The following MTBP variants were observed in gnomAD, a reference collection of about 807,000 sequenced individuals.
The protein encoded by MTBP is mdm2-binding protein.
In MTBP, 101 loss-of-function variants were observed where a neutral mutation model predicts 117.0. That is an observed-to-expected ratio of 0.86 (90% CI 0.73 to 1.02). MTBP has a LOEUF of 1.02. Among genes scored for constraint, MTBP ranks in the 50% least tolerant of loss-of-function variants. The pLI is 0.00. For missense variants in MTBP, 970 were observed against 1,030.9 expected, an observed-to-expected ratio of 0.94 and a Z score of 0.81; for synonymous variants, 350 against 351.5, an observed-to-expected ratio of 1.00 and a Z score of 0.05.
At chr8:120,453,288 A>G (rs1162889857) in intron 4 of MTBP, among the ~76,000 whole-genome samples, 3 of 152,052 alleles carry the variant, frequency 2.0e-5, no homozygotes, top group Admixed American at 1.3e-4. Flanking sequence ...CCGTCTCTAC[A>G]TTAGCCAGGC....
intron 20 of MTBP, among the ~76,000 whole-genome samples, chr8:120,519,278 C>T (rs1044386275): frequency 6.6e-6 from 1 of 151,342 alleles, no homozygotes; most frequent in Middle Eastern, 3.5e-3. Flanking sequence ...GCAAATACTA[C>T]ACCATTTTAT....
At chr8:120,504,140 T>C (rs1048727627) in intron 15 of MTBP, among the ~76,000 whole-genome samples, 4 of 152,048 alleles carry the variant, frequency 2.6e-5, no homozygotes, top group Non-Finnish European at 4.4e-5. Context: ...CAAAAAGAAA[T>C]GGAGGCTAAG....
At chr8:120,462,038 T>C (rs1813591122) in intron 9 of MTBP, among the ~76,000 whole-genome samples, 1 of 151,892 alleles carries the variant, frequency 6.6e-6, no homozygotes, top group Non-Finnish European at 1.5e-5. Flanking sequence ...CATTAAAGAG[T>C]AGTGGTTTTT....
At chr8:120,463,981 T>G (rs1417997701) in intron 10 of MTBP, among the ~76,000 whole-genome samples, 1 of 152,070 alleles carries the variant, frequency 6.6e-6, no homozygotes, top group African/African-American at 2.4e-5. Context: ...CATTTTGTTT[T>G]TAGGAGATAT....
intron 2 of MTBP, among the ~76,000 whole-genome samples, chr8:120,448,113 G>A (rs1018276214): frequency 6.6e-6 from 1 of 151,920 alleles, no homozygotes; most frequent in African/African-American, 2.4e-5. Context: ...TTAACTTTTT[G>A]TAGAGACAGG....
intron 14 of MTBP, among the ~76,000 whole-genome samples, chr8:120,499,525 TTG>T (rs1814536690): frequency 6.6e-6 from 1 of 152,162 alleles, no homozygotes; most frequent in Admixed American, 6.5e-5. Flanking sequence ...AAGAATGAAG[TTG>T]TGATTTTTAA....
intron 14 of MTBP, among the ~76,000 whole-genome samples, chr8:120,501,604 C>A (rs1320260235): frequency 6.6e-6 from 1 of 151,308 alleles, no homozygotes; most frequent in African/African-American, 2.4e-5. Context: ...TTTCTCAGTC[C>A]TCTCAAAAAT....
At position 120,459,138 on chromosome 8, in the gene MTBP, A is replaced by T. The variant is rs893416050; in HGVS notation, c.748-77A>T. ...ATACATGGATTTCCCCTCAACTTTT[A>T]CATTGTAATAAGATGTATTAATCTT... On this transcript the variant is annotated intron_variant, in intron 7 of 21. Transcript: ENST00000305949. 5.5e-6 allele frequency: 7 copies of T among 1,279,416 alleles called. No individual in the cohort carries two copies. The East Asian group carries it at 1.8e-4, about 32-fold the overall frequency. The allele number at this position is 1,279,416 out of a possible 1,614,324, so 79.3% of individuals were successfully genotyped here. A position where few individuals can be genotyped will look rare whatever the true frequency, so the allele number is the denominator to read the frequency against.
intron 20 of MTBP, among the ~76,000 whole-genome samples, chr8:120,521,928 C>G (rs12548250): frequency 0.53 from 21,390 of 40,026 alleles, 6,885 homozygotes; most frequent in Non-Finnish European, 0.67. Flanking sequence ...GAGAGTAATG[C>G]AGCATTAGTG....
chr8:120,464,671 G>A (rs1053261126), intron 10 of MTBP, among the ~76,000 whole-genome samples: 2 of 151,944 alleles, frequency 1.3e-5, no homozygotes, highest in East Asian at 3.9e-4. Flanking sequence ...TTGGCTTCTG[G>A]CCTCTTTTTC....
rs144565542 is a variant in MTBP, at chr8:120,445,586, C to T, written c.116C>T (p.Pro39Leu). ...TCGGGTGAGGGTACTGAGAATCAGCCGGGTAAGCGCTGGGATGAGAAAGAG... is the reference window on the plus strand; with the variant it reads ...TCGGGTGAGGGTACTGAGAATCAGCTGGGTAAGCGCTGGGATGAGAAAGAG... ...VSSGEGTENQ[P>L]DFTAANVYHL... The change falls in exon 1 of 22, where the codon CCG becomes CTG. Residue 39 changes from proline to leucine, a missense_variant and splice_region_variant. Coordinates refer to ENST00000305949, the MANE Select transcript of MTBP (RefSeq NM_022045.5). The T allele has an allele frequency of 1.9e-6, 3 of 1,603,494 alleles. No homozygotes were observed. The highest frequency in any genetic ancestry group is 2.6e-6 in the Non-Finnish European group (3 of 1,175,560).
intron 20 of MTBP, among the ~76,000 whole-genome samples, chr8:120,521,423 T>G (rs1815005683): frequency 6.6e-6 from 1 of 152,194 alleles, no homozygotes; most frequent in South Asian, 2.1e-4. Context: ...ACAACTGTTC[T>G]TCAAAGGAAG....
Position 120,455,472 on chromosome 8 carries a change from C to T in MTBP, c.522C>T (p.Asp174=), listed in dbSNP as rs1813448369. 8 of 1,608,504 alleles carry T rather than the reference C, an allele frequency of 5.0e-6. No individual in the cohort carries two copies. Among genetic ancestry groups the T allele is most frequent in the Non-Finnish European group, 6.8e-6 (8 of 1,176,314 alleles). ...AMVDIILLLS[D]KDPPKLKDYL... is the part of the protein sequence containing the mutation. ...TAGATATAATACTGTTGCTTTCTGA[C>T]AAAGATCCTCCTAAATTGAAAGACT... is the stretch of plus-strand genomic sequence containing the variant. Residue 174 remains aspartate, a synonymous_variant, in exon 6 of 22, where the codon GAC becomes GAT. Coordinates refer to ENST00000305949, the MANE Select transcript of MTBP (RefSeq NM_022045.5).
At chr8:120,468,001 T>G (rs1813734240) in intron 10 of MTBP, among the ~76,000 whole-genome samples, 1 of 152,312 alleles carries the variant, frequency 6.6e-6, no homozygotes, top group East Asian at 1.9e-4. Context: ...TCTGGCATAC[T>G]CACATTACAG....
chr8:120,475,795 T>C (rs1813921038), intron 11 of MTBP, among the ~76,000 whole-genome samples: 1 of 151,912 alleles, frequency 6.6e-6, no homozygotes, highest in Non-Finnish European at 1.5e-5. Context: ...AGAAGACAGA[T>C]GAATAGTGAA....
At chr8:120,510,526 AAT>A (rs1340593397) in intron 17 of MTBP, among the ~76,000 whole-genome samples, 1 of 152,210 alleles carries the variant, frequency 6.6e-6, no homozygotes, top group African/African-American at 2.4e-5. Context: ...TATATAAAGC[AAT>A]ACTATTCAAC....
At chr8:120,476,294 A>G (rs1367410582) in intron 11 of MTBP, among the ~76,000 whole-genome samples, 1 of 152,182 alleles carries the variant, frequency 6.6e-6, no homozygotes, top group Non-Finnish European at 1.5e-5. Flanking sequence ...CCCGTAGCCA[A>G]TATCATACTG....
At chr8:120,507,212 G>A (rs2130608887) in intron 16 of MTBP, among the ~76,000 whole-genome samples, 1 of 152,158 alleles carries the variant, frequency 6.6e-6, no homozygotes, top group East Asian at 1.9e-4. Context: ...TTACTGTAGT[G>A]TTGATATTGC....
At chr8:120,504,740 T>C (rs760609521) in intron 15 of MTBP, among the ~76,000 whole-genome samples, 4 of 152,002 alleles carry the variant, frequency 2.6e-5, no homozygotes, top group Non-Finnish European at 5.9e-5. Flanking sequence ...GAAATACCTA[T>C]TTTAATTAAT....
Sources: gnomAD v4.1 joint callset for allele counts (sites outside exome capture counted in the v4.1 genomes callset) on GRCh38, gnomAD v4.1.1 for gene constraint, MANE v1.5 for transcripts, NCBI Gene and HGNC (gene_info 2026-07-23, HGNC 2026-07-21) for gene names.